Variants in FBXL2 observed in about 807,000 individuals in gnomAD.
The protein encoded by FBXL2 is F-box and leucine rich repeat protein 2.
A neutral mutation model predicts 69.2 loss-of-function variants in FBXL2; 38 were observed. The ratio of observed to expected loss-of-function variants is 0.55; its 90% CI spans 0.42 to 0.72. The LOEUF (loss-of-function observed/expected upper bound fraction) is 0.72. FBXL2 is among the 30% of genes least tolerant of loss of function. The pLI is 0.00. For missense variants in FBXL2, 354 were observed against 520.3 expected, an observed-to-expected ratio of 0.68 and a Z score of 3.11; for synonymous variants, 192 against 201.3, an observed-to-expected ratio of 0.95 and a Z score of 0.39.
At chr3:33,417,825 C>G in the FBXL2 span, among the ~76,000 whole-genome samples, 1 of 152,312 alleles carries the variant, frequency 6.6e-6, no homozygotes, top group African/African-American at 2.4e-5. Context: ...CTTGTCCATA[C>G]TCCCAGGGGG....
intron 12 of FBXL2, among the ~76,000 whole-genome samples, chr3:33,402,627 G>A (rs1293700168): frequency 6.6e-6 from 1 of 152,070 alleles, no homozygotes; most frequent in Non-Finnish European, 1.5e-5. Context: ...AAAAAAGGCT[G>A]GTAGGTGAAG....
chr3:33,371,408 T>C (rs2042299936), intron 5 of FBXL2, among the ~76,000 whole-genome samples: 1 of 151,378 alleles, frequency 6.6e-6, no homozygotes, highest in Non-Finnish European at 1.5e-5. Context: ...TGACCTCAAG[T>C]GATCTGCTTG....
intron 1 of FBXL2, among the ~76,000 whole-genome samples, chr3:33,289,368 C>G (rs2034990742): frequency 6.6e-6 from 1 of 152,092 alleles, no homozygotes; most frequent in South Asian, 2.1e-4. Flanking sequence ...CTTCCATTTC[C>G]TGTTACGATG....
intron 1 of FBXL2, among the ~76,000 whole-genome samples, chr3:33,282,612 C>T (rs1185648710): frequency 6.6e-6 from 1 of 152,144 alleles, no homozygotes; most frequent in African/African-American, 2.4e-5. Context: ...ATGGGGATGG[C>T]ATTGAATCTG....
chr3:33,377,366 T>G (rs777205442), intron 11 of FBXL2, 33 bp downstream of exon 11: 1 of 1,602,266 alleles, frequency 6.2e-7, no homozygotes, highest in Admixed American at 1.7e-5. Context: ...ACAACCAAAC[T>G]CTAATTCACC....
chr3:33,395,370 A>G (rs1303302922), intron 12 of FBXL2, among the ~76,000 whole-genome samples: 2 of 151,958 alleles, frequency 1.3e-5, no homozygotes, highest in African/African-American at 4.8e-5. Flanking sequence ...CCTTTGTTCT[A>G]CTTCAGAGTA....
chr3:33,407,306 C>A (rs1210976312), downstream of FBXL2, among the ~76,000 whole-genome samples: 1 of 152,112 alleles, frequency 6.6e-6, no homozygotes, highest in Non-Finnish European at 1.5e-5. Flanking sequence ...TTCAGATTAC[C>A]TCTGGGCTAT....
At chr3:33,365,378 C>G (rs957482161) in intron 5 of FBXL2, among the ~76,000 whole-genome samples, 2 of 151,628 alleles carry the variant, frequency 1.3e-5, no homozygotes, top group African/African-American at 4.9e-5. Flanking sequence ...CTCCCAGGTT[C>G]AAGTGATTCT....
chr3:33,402,927 A>T (rs1230839945), intron 12 of FBXL2: 6 of 1,552,506 alleles, frequency 3.9e-6, no homozygotes, highest in Non-Finnish European at 5.3e-6. Context: ...ACAGAAATAA[A>T]TTAGTGATAT....
chr3:33,312,249 G>T (rs539246468), intron 2 of FBXL2, among the ~76,000 whole-genome samples: 83 of 151,784 alleles, frequency 5.5e-4, no homozygotes, highest in African/African-American at 1.8e-3. Flanking sequence ...GTAGAGACAG[G>T]GTCTCATCAT....
At chr3:33,337,276 G>C (rs951729771) in intron 2 of FBXL2, among the ~76,000 whole-genome samples, 4 of 152,108 alleles carry the variant, frequency 2.6e-5, no homozygotes, top group African/African-American at 9.6e-5. Flanking sequence ...ATCCAACAAA[G>C]TGCTCATATC....
chr3:33,331,766 T>C (rs2039185086), intron 2 of FBXL2, among the ~76,000 whole-genome samples: 3 of 152,146 alleles, frequency 2.0e-5, no homozygotes, highest in Admixed American at 2.0e-4. Flanking sequence ...ATGGAAATGA[T>C]CCTTGTTAAG....
At chr3:33,325,331 T>G (rs978479614) in intron 2 of FBXL2, among the ~76,000 whole-genome samples, 5 of 152,168 alleles carry the variant, frequency 3.3e-5, no homozygotes, top group Admixed American at 6.5e-5. Flanking sequence ...ATACTGTGTT[T>G]AATAGGAGTG....
At chr3:33,331,640 G>A (rs2039174407) in intron 2 of FBXL2, among the ~76,000 whole-genome samples, 1 of 152,140 alleles carries the variant, frequency 6.6e-6, no homozygotes, top group Non-Finnish European at 1.5e-5. Context: ...GGAGAACTTG[G>A]CAGAATCAAA....
chr3:33,324,150 A>C (rs1338361775), intron 2 of FBXL2, among the ~76,000 whole-genome samples: 1 of 147,590 alleles, frequency 6.8e-6, no homozygotes, highest in Non-Finnish European at 1.5e-5. Flanking sequence ...TTTTTGATGG[A>C]TTTTTTTTTT....
chr3:33,412,980 A>T, the FBXL2 span, among the ~76,000 whole-genome samples: 1 of 152,244 alleles, frequency 6.6e-6, no homozygotes, highest in Non-Finnish European at 1.5e-5. Flanking sequence ...TTGCCCTTGG[A>T]TACCTGGATT....
chr3:33,343,357 A>G (rs1235712506), intron 2 of FBXL2, among the ~76,000 whole-genome samples: 2 of 152,026 alleles, frequency 1.3e-5, no homozygotes, highest in African/African-American at 4.8e-5. Context: ...TATTATTTTT[A>G]TAGATTTCAG....
chr3:33,416,610 C>T, the FBXL2 span: 1 of 576,486 alleles, frequency 1.7e-6, no homozygotes, highest in Non-Finnish European at 3.0e-6. Context: ...GCTATAATTC[C>T]CATTTTACAG....
At chr3:33,325,862 A>G (rs941290698) in intron 2 of FBXL2, among the ~76,000 whole-genome samples, 3 of 152,178 alleles carry the variant, frequency 2.0e-5, no homozygotes, top group East Asian at 1.9e-4. Flanking sequence ...AAAAATTTCT[A>G]TTCTCTACCA....
Sources: allele counts gnomAD v4.1 joint callset (sites outside exome capture counted in the v4.1 genomes callset), GRCh38; gene constraint gnomAD v4.1.1; transcripts MANE v1.5; gene names NCBI Gene and HGNC (gene_info 2026-07-23, HGNC 2026-07-21).